The following PTPRD variants were observed in gnomAD, a reference collection of about 807,000 sequenced individuals.
PTPRD encodes the protein receptor-type tyrosine-protein phosphatase delta.
Under a neutral mutation model 214.5 loss-of-function variants are expected in PTPRD, and 34 were observed. That is an observed-to-expected ratio of 0.16 (90% CI 0.12 to 0.21). The LOEUF (loss-of-function observed/expected upper bound fraction) is 0.21. PTPRD is among the 10% of genes least tolerant of loss of function. PTPRD has a pLI of 1.00. For synonymous variants in PTPRD, 1,128 were observed against 845.7 expected, an observed-to-expected ratio of 1.33 and a Z score of -5.79; for missense variants, 2,545 against 2,398.7, an observed-to-expected ratio of 1.06 and a Z score of -1.27.
At chr9:9,046,185 C>A (rs1044215304) in intron 10 of PTPRD, among the ~76,000 whole-genome samples, 6 of 152,156 alleles carry the variant, frequency 3.9e-5, no homozygotes, top group Admixed American at 6.5e-5. Context: ...TGAATGCACA[C>A]TTCATGCCTC....
chr9:10,301,641 A>G (rs533654418), intron 3 of PTPRD, among the ~76,000 whole-genome samples: 2 of 152,262 alleles, frequency 1.3e-5, no homozygotes, highest in East Asian at 3.9e-4. Flanking sequence ...ATCAATAGCC[A>G]AACTGATCAA....
chr9:9,902,668 T>G (rs1353825581), intron 5 of PTPRD, among the ~76,000 whole-genome samples: 1 of 152,154 alleles, frequency 6.6e-6, no homozygotes, highest in African/African-American at 2.4e-5. Context: ...GTATTATTGA[T>G]AACACATTCA....
At chr9:8,771,208 TC>T in intron 11 of PTPRD, among the ~76,000 whole-genome samples, 1 of 151,222 alleles carries the variant, frequency 6.6e-6, no homozygotes, top group Middle Eastern at 3.4e-3. Flanking sequence ...TAGTCTTTAT[TC>T]TTTATTAAAA....
chr9:9,610,603 G>A (rs957811513), intron 7 of PTPRD, among the ~76,000 whole-genome samples: 1 of 152,110 alleles, frequency 6.6e-6, no homozygotes, highest in Non-Finnish European at 1.5e-5. Context: ...TACAAATATT[G>A]TCTAAACTTT....
intron 3 of PTPRD, among the ~76,000 whole-genome samples, chr9:10,045,992 G>A (rs987206461): frequency 1.3e-5 from 2 of 151,578 alleles, no homozygotes; most frequent in African/African-American, 2.4e-5. Flanking sequence ...CTAAATCCAA[G>A]AAAGATGGCA....
chr9:9,056,196 G>C (rs1439998810), intron 10 of PTPRD, among the ~76,000 whole-genome samples: 1 of 152,138 alleles, frequency 6.6e-6, no homozygotes, highest in Non-Finnish European at 1.5e-5. Flanking sequence ...CCACTGCATT[G>C]ACTACAGGAG....
chr9:10,592,073 G>A (rs1000658451), intron 2 of PTPRD, among the ~76,000 whole-genome samples: 2 of 152,084 alleles, frequency 1.3e-5, no homozygotes, highest in Non-Finnish European at 2.9e-5. Flanking sequence ...AATAACAGAA[G>A]GCCTAACCTA....
intron 4 of PTPRD, among the ~76,000 whole-genome samples, chr9:10,025,656 TA>T (rs944244523): frequency 2.0e-5 from 3 of 152,128 alleles, no homozygotes; most frequent in African/African-American, 4.8e-5. Flanking sequence ...AGAAACTTTT[TA>T]AAAAATTAGA....
At chr9:10,196,397 C>T (rs1244919967) in intron 3 of PTPRD, among the ~76,000 whole-genome samples, 1 of 152,036 alleles carries the variant, frequency 6.6e-6, no homozygotes, top group East Asian at 1.9e-4. Context: ...AAATTAAGTG[C>T]CAGAAGTATT....
chr9:8,391,911 T>C (rs2089710980), intron 36 of PTPRD, among the ~76,000 whole-genome samples: 1 of 146,780 alleles, frequency 6.8e-6, no homozygotes, highest in African/African-American at 2.4e-5. Flanking sequence ...TCAGTTATTA[T>C]GTAATGAATT....
At chr9:8,674,918 T>C (rs538864237) in intron 12 of PTPRD, among the ~76,000 whole-genome samples, 28 of 152,228 alleles carry the variant, frequency 1.8e-4, no homozygotes, top group Non-Finnish European at 3.7e-4. Flanking sequence ...TGAGCATTAC[T>C]GTAAATCTAG....
chr9:9,031,904 A>G (rs190512189), intron 10 of PTPRD, among the ~76,000 whole-genome samples: 20 of 152,182 alleles, frequency 1.3e-4, no homozygotes, highest in African/African-American at 4.1e-4. Context: ...GGGGCATTTT[A>G]CTAAATGGAA....
At chr9:9,637,307 G>C (rs185197115) in intron 7 of PTPRD, among the ~76,000 whole-genome samples, 31 of 152,236 alleles carry the variant, frequency 2.0e-4, no homozygotes, top group African/African-American at 7.2e-4. Context: ...TCAAATATGG[G>C]TGAGATTCGT....
At chr9:8,787,905 C>A (rs1599783145) in intron 11 of PTPRD, among the ~76,000 whole-genome samples, 2 of 151,642 alleles carry the variant, frequency 1.3e-5, no homozygotes, top group African/African-American at 2.4e-5. Flanking sequence ...CATTTTGCAC[C>A]CTATCACCTT....
intron 10 of PTPRD, among the ~76,000 whole-genome samples, chr9:9,036,055 T>A (rs1422945459): frequency 6.6e-6 from 1 of 152,142 alleles, no homozygotes; most frequent in Non-Finnish European, 1.5e-5. Context: ...AGGTTATTTT[T>A]CAAGTGTGTA....
At chr9:9,726,785 A>G (rs943949072) in intron 7 of PTPRD, among the ~76,000 whole-genome samples, 2 of 152,164 alleles carry the variant, frequency 1.3e-5, no homozygotes, top group African/African-American at 4.8e-5. Context: ...GGCTCAGGCA[A>G]AGTGGAAATA....
At position 8,750,562 on chromosome 9, in the gene PTPRD, T is replaced by C. The variant is rs796825853; in HGVS notation, c.-103-16616A>G. ...ATGTGGGAAAAGAAAGGGGAGACTT[T>C]AGAATAGGGTGACAGGAAAGGACCC... On this transcript the variant is annotated intron_variant, in intron 11 of 45. Coordinates refer to ENST00000381196, the MANE Select transcript of PTPRD (RefSeq NM_002839.4). 2.5e-4 allele frequency among the ~76,000 whole-genome samples: 38 copies of C among 152,154 alleles called. 2 individuals are homozygous for C. Among genetic ancestry groups the C allele is most frequent in the African/African-American group, 9.2e-4 (38 of 41,496 alleles).
intron 11 of PTPRD, among the ~76,000 whole-genome samples, chr9:9,006,147 G>C (rs1271129036): frequency 6.6e-6 from 1 of 151,924 alleles, no homozygotes; most frequent in Non-Finnish European, 1.5e-5. Flanking sequence ...TCACTTTTGT[G>C]TCTGAAGCAC....
chr9:10,396,690 C>T (rs894077273), intron 2 of PTPRD, among the ~76,000 whole-genome samples: 2 of 151,976 alleles, frequency 1.3e-5, no homozygotes, highest in Non-Finnish European at 2.9e-5. Flanking sequence ...GAAATAACTG[C>T]AGATTTCATT....
Sources: gnomAD v4.1 joint callset for allele counts (sites outside exome capture counted in the v4.1 genomes callset) on GRCh38, gnomAD v4.1.1 for gene constraint, MANE v1.5 for transcripts, NCBI Gene and HGNC (gene_info 2026-07-23, HGNC 2026-07-21) for gene names.